Variants in OBSL1 observed in about 807,000 individuals in gnomAD.
The protein encoded by OBSL1 is obscurin like cytoskeletal adaptor 1.
A neutral mutation model predicts 172.0 loss-of-function variants in OBSL1; 160 were observed. That is an observed-to-expected ratio of 0.93 (90% confidence interval 0.82 to 1.06). The LOEUF is 1.06. Ranked by LOEUF, OBSL1 falls within the 50% of genes least tolerant of loss-of-function variation. The pLI is 0.00. For synonymous variants in OBSL1, 1,200 were observed against 1,196.3 expected, an observed-to-expected ratio of 1.00 and a Z score of -0.06; for missense variants, 2,681 against 2,715.4, an observed-to-expected ratio of 0.99 and a Z score of 0.28.
At position 219,571,158 on chromosome 2, in the gene OBSL1, A is replaced by C. The variant is rs376818200; in HGVS notation, c.75T>G (p.Ser25Arg). 9.9e-5 allele frequency: 147 copies of C among 1,488,346 alleles called. 1 individual carries two copies. In the African/African-American group the frequency reaches 2.0e-3, roughly 20 times the overall value. 92.2% of individuals were successfully genotyped at this position (1,488,346 alleles called of 1,614,324 possible). Reference protein sequence around the residue: ...LRFPRPVRVVSGAEAELKCVV... With the variant: ...LRFPRPVRVVRGAEAELKCVV... ...CGCACTTGAGCTCGGCCTCGGCGCC[A>C]CTTACCACCCGCACAGGCCGCGGGA... The change falls in exon 1 of 21, where the codon AGT (serine) becomes AGG (arginine). Residue 25 changes from serine to arginine, a missense_variant. Physicochemically the swap from Ser to Arg is moderately radical, Grantham distance 110. Transcript: ENST00000404537.
intron 14 of OBSL1, chr2:219,555,420 C>T (rs1156865415): frequency 6.5e-6 from 1 of 154,578 alleles, no homozygotes; most frequent in Non-Finnish European, 1.4e-5. Flanking sequence ...GCCTCAGCCT[C>T]CCTAGTAACT....
In OBSL1 at chr2:219,562,956, G is replaced by A. The variant is rs1696601619; in HGVS notation, c.2681-282C>T. The A allele has an allele frequency of 1.1e-5, 6 of 545,748 alleles. No homozygotes were observed. The Admixed American group carries it at 1.6e-4, about 14-fold the overall frequency. 33.8% of individuals were successfully genotyped at this position (545,748 alleles called of 1,614,324 possible). ...TCCACATTCTCTGGGTTGGGACAGG[G>A]ACGGTATGAAGGGTGGAACTGATGA... On this transcript the variant is annotated intron_variant, in intron 7 of 20. Coordinates refer to ENST00000404537, the MANE Select transcript of OBSL1 (RefSeq NM_015311.3).
chr2:219,547,810 C>G, downstream of OBSL1: 1 of 1,592,096 alleles, frequency 6.3e-7, no homozygotes, highest in South Asian at 1.1e-5. Flanking sequence ...TGGGGGGCGG[C>G]CTGCTCTGTG....
downstream of OBSL1, chr2:219,547,497 C>G (rs779351284): frequency 3.8e-5 from 54 of 1,417,140 alleles, no homozygotes; most frequent in East Asian, 1.2e-3. Flanking sequence ...AGCCCCTGTT[C>G]CCCTCCAGGT....
At position 219,570,793 on chromosome 2, in the gene OBSL1, A is replaced by G; in HGVS notation, c.440T>C (p.Leu147Pro). 6.7e-7 allele frequency: 1 copy of G among 1,496,958 alleles called. No homozygotes were observed. The highest frequency in any genetic ancestry group is 8.8e-7 in the Non-Finnish European group (1 of 1,131,052). 92.7% of individuals were successfully genotyped at this position (1,496,958 alleles called of 1,614,324 possible). A position where few individuals can be genotyped will look rare whatever the true frequency, so the allele number is the denominator to read the frequency against. Residue 147 changes from leucine (L) to proline (P), a missense_variant, in exon 1 of 21, where the codon CTG (leucine) becomes CCG (proline). By Grantham distance (98) the Leu-to-Pro change is moderately conservative (BLOSUM62 -3). Transcript: ENST00000404537. ...GGGGAGGCCCCCCGCCCGGCACGTCAGCACCACCTCCGCCCCCCGCAGCAC... is the reference window on the plus strand; with the variant it reads ...GGGGAGGCCCCCCGCCCGGCACGTCGGCACCACCTCCGCCCCCCGCAGCAC... ...QWVLRGAEVV[L>P]TCRAGGLPEP...
rs564569659 is a variant in OBSL1, at chr2:219,571,313, G to A, written c.-81C>T. 9.2e-5 allele frequency: 86 copies of A among 939,136 alleles called. No homozygotes were observed. In the Middle Eastern group the frequency reaches 1.2e-3, roughly 13 times the overall value. The allele number at this position is 939,136 out of a possible 1,614,324, so 58.2% of individuals were successfully genotyped here. A position where few individuals can be genotyped will look rare whatever the true frequency, so the allele number is the denominator to read the frequency against. On this transcript the variant is annotated 5_prime_UTR_variant, in exon 1 of 21. Coordinates refer to ENST00000404537, the MANE Select transcript of OBSL1 (RefSeq NM_015311.3). ...AGGGCGAGCCGAGGCCCGGGGCGGC[G>A]GGGTCGGGGCGCGGCTGGGGACTGG...
chr2:219,563,333 C>T lies in OBSL1; in HGVS notation c.2680+22G>A, dbSNP rs772288459. 1.4e-5 allele frequency: 21 copies of T among 1,541,284 alleles called. No individual in the cohort carries two copies. In the East Asian group the frequency reaches 2.1e-4, roughly 15 times the overall value. ...GCAGGGGCACCTTCCCCTGTGCCTC[C>T]GAGGCCCACCTGGCCCCCCACCTGT... On this transcript the variant is annotated intron_variant, in intron 7 of 20. Coordinates refer to ENST00000404537, the MANE Select transcript of OBSL1 (RefSeq NM_015311.3).
rs766837219 is a variant in OBSL1, at chr2:219,551,707, C to G, written c.5505G>C (p.Ser1835=). The change falls in exon 20 of 21, where the codon TCG becomes TCC. Residue 1835 remains serine (S), a synonymous_variant. Transcript: ENST00000404537. ...CCCGCAGCCAGCACACGTGGCCCCC[C>G]GAGCGGGACACAGTCACCTCCAGCA... The part of the protein sequence containing the change: ...RAVLEVTVSR[S]GGHVCWLREG... The G allele has an allele frequency of 1.9e-6, 3 of 1,610,668 alleles. No individual in the cohort carries two copies. The highest frequency in any genetic ancestry group is 1.7e-6 in the Non-Finnish European group (2 of 1,179,132).
intron 6 of OBSL1, among the ~76,000 whole-genome samples, chr2:219,564,894 C>T (rs180865974): frequency 1.2e-4 from 19 of 152,248 alleles, no homozygotes; most frequent in Admixed American, 9.2e-4. Context: ...ATAGTGAAAC[C>T]GTCTCTACCA....
At chr2:219,550,086 G>A (rs1310519848), downstream of OBSL1, 2 of 536,238 alleles carry the variant, frequency 3.7e-6, no homozygotes, top group Non-Finnish European at 6.5e-6. Context: ...CCATTGGGGT[G>A]TGCTCAGGGT....
At chr2:219,563,670 C>T (rs376145925) in intron 6 of OBSL1, 43 bp from the exon 7 acceptor site, 8 of 1,579,568 alleles carry the variant, frequency 5.1e-6, no homozygotes, top group African/African-American at 1.3e-5. Flanking sequence ...CACCCCCGCA[C>T]AATGAGTCCA....
At chr2:219,552,469 G>T in intron 18 of OBSL1, 67 bp downstream of exon 18, 1 of 1,466,300 alleles carries the variant, frequency 6.8e-7, no homozygotes, top group Non-Finnish European at 9.1e-7. Context: ...TTGTCCCGGT[G>T]GGGCGGGATC....
rs368727376 is a variant in OBSL1 at position 219,556,758 on chromosome 2, G to A, written c.4067-35C>T. The stretch of plus-strand genomic sequence containing the variant: ...ACGGTAAGGCAGTGAGCTGGGCTGA[G>A]TCTTTTCTTCTCTCTCCTTTTCATC... On this transcript the variant is annotated intron_variant, in intron 12 of 20. Coordinates refer to ENST00000404537, the MANE Select transcript of OBSL1 (RefSeq NM_015311.3). The A allele has an allele frequency of 1.4e-5, 21 of 1,544,300 alleles. No homozygotes were observed. In the African/African-American group the frequency reaches 2.0e-4, roughly 15 times the overall value.
At position 219,557,961 on chromosome 2, in the gene OBSL1, C is replaced by T; in HGVS notation, c.3652G>A (p.Gly1218Ser). 1 of 1,608,632 alleles carries T rather than the reference C, an allele frequency of 6.2e-7. No individual in the cohort carries two copies. Among genetic ancestry groups the T allele is most frequent in the East Asian group, 2.2e-5 (1 of 44,762 alleles). The change falls in exon 11 of 21, where the codon GGC (glycine) becomes AGC (serine). Residue 1218 changes from glycine (G) to serine (S), a missense_variant. Around this residue, in one of 5 missense-constraint regions of OBSL1, gnomAD observed 1,765 missense variants for 1,748.3 expected, o/e 1.01. Transcript: ENST00000404537. ...HNGRPVQEGE[G>S]LELHAEGPRR... ...GGGCCCTCGGCATGGAGCTCTAGGC[C>T]CTCGCCCTCCTGCACGGGCCTCCCA...
At position 219,565,268 on chromosome 2, in the gene OBSL1, G is replaced by A. The variant is rs895199148; in HGVS notation, c.2381C>T (p.Ser794Leu). Residue 794 changes from serine to leucine, a missense_variant, in exon 6 of 21, where the codon TCG becomes TTG. Transcript: ENST00000404537. ...GEFECRTEGV[S>L]AFFGVTVQDP... ...TTGGACAGTGACGCCGAAGAAGGCC[G>A]AGACCCCTTCTGTCCTGCACTCAAA... The A allele has an allele frequency of 2.3e-5, 37 of 1,612,166 alleles. No individual in the cohort carries two copies. Among genetic ancestry groups the A allele is most frequent in the East Asian group, 2.2e-4 (10 of 44,866 alleles).
At chr2:219,549,706 C>T (rs1272161282), downstream of OBSL1, 3 of 1,612,728 alleles carry the variant, frequency 1.9e-6, no homozygotes, top group Middle Eastern at 1.7e-4. Flanking sequence ...CCTATGTTTG[C>T]TCCCCCACAG....
Position 219,558,352 on chromosome 2 carries a change from C to T in OBSL1, c.3334G>A (p.Val1112Met), listed in dbSNP as rs747696922. 6.2e-7 allele frequency: 1 copy of T among 1,612,460 alleles called. No homozygotes were observed. The highest frequency in any genetic ancestry group is 8.5e-7 in the Non-Finnish European group (1 of 1,179,600). ...TCCAGCCCGTCCTTGTACCAGCGCACCTGAGACCCAGCTGGGGCCACCTCA... is the reference window on the plus strand; with the variant it reads ...TCCAGCCCGTCCTTGTACCAGCGCATCTGAGACCCAGCTGGGGCCACCTCA... ...RCEVAPAGSQ[V>M]RWYKDGLEVE... The change falls in exon 10 of 21, where the codon GTG becomes ATG. Residue 1112 changes from valine (V) to methionine (M), a missense_variant. Physicochemically the swap from Val to Met is conservative, Grantham distance 21. Transcript: ENST00000404537.
At chr2:219,559,662 C>T (rs1178444442) in intron 8 of OBSL1, 165 bp from the exon 9 acceptor site, 2 of 638,568 alleles carry the variant, frequency 3.1e-6, no homozygotes, top group Non-Finnish European at 5.3e-6. Flanking sequence ...TCCCTGGGGC[C>T]AGAGGGTGTT....
rs575348152 is a variant in OBSL1, at chr2:219,558,268, G to T, written c.3418C>A (p.Leu1140Met). The change falls in exon 10 of 21, where the codon CTG becomes ATG. Residue 1140 changes from leucine to methionine, a missense_variant. Transcript: ENST00000404537. ...GCGTCCTCAGGCTGGGCGTGGGGCA[G>T]GGTCAGGGTGCGGGTGGGCCCCTCG... ...GAEGPTRTLT[L>M]PHAQPEDAGE... The T allele has an allele frequency of 6.2e-7, 1 of 1,611,030 alleles. No homozygotes were observed. The highest frequency in any genetic ancestry group is 2.2e-5 in the East Asian group (1 of 44,766).
Sources: gnomAD v4.1 joint callset for allele counts (sites outside exome capture counted in the v4.1 genomes callset) on GRCh38, gnomAD v4.1.1 for gene constraint, gnomAD v4.1.1 regional missense constraint, MANE v1.5 for transcripts, NCBI Gene and HGNC (gene_info 2026-07-23, HGNC 2026-07-21) for gene names.